Variants in CDH8 observed in about 807,000 individuals in gnomAD.
CDH8 encodes cadherin-8.
Under a neutral mutation model 68.1 loss-of-function variants are expected in CDH8, and 17 were observed. The ratio of observed to expected loss-of-function variants is 0.25; its 90% CI spans 0.17 to 0.37. The LOEUF (loss-of-function observed/expected upper bound fraction) is 0.37, where lower values mean the gene tolerates loss of function less well. Ranked by LOEUF, CDH8 falls within the 10% of genes least tolerant of loss-of-function variation. The pLI, the probability that CDH8 is intolerant of heterozygous loss-of-function variation, is 1.00. For synonymous variants in CDH8, 372 were observed against 365.1 expected (o/e 1.02, Z -0.21); for missense variants, 763 against 999.3 (o/e 0.76, Z 3.19).
intron 7 of CDH8, among the ~76,000 whole-genome samples, chr16:61,814,256 A>G (rs1318191435): frequency 6.6e-6 from 1 of 152,200 alleles, no homozygotes; most frequent in Non-Finnish European, 1.5e-5. Flanking sequence ...AATTCAAAAT[A>G]TGTCATATTT....
At chr16:61,894,226 A>C (rs910952457) in intron 3 of CDH8, among the ~76,000 whole-genome samples, 7 of 152,216 alleles carry the variant, frequency 4.6e-5, no homozygotes, top group African/African-American at 1.7e-4. Context: ...CATATTCTGT[A>C]TCTAATCCTA....
At chr16:62,032,200 G>A (rs1902343698) in intron 1 of CDH8, among the ~76,000 whole-genome samples, 1 of 152,168 alleles carries the variant, frequency 6.6e-6, no homozygotes, top group South Asian at 2.1e-4. Context: ...ACAAATCAGA[G>A]TAGCCAGAAA....
intron 2 of CDH8, among the ~76,000 whole-genome samples, chr16:62,001,872 A>C (rs1195986678): frequency 6.6e-6 from 1 of 152,094 alleles, no homozygotes; most frequent in Non-Finnish European, 1.5e-5. Context: ...GAGTAATGTG[A>C]GATCTGGATA....
At chr16:62,024,274 T>C (rs532777920) in intron 1 of CDH8, among the ~76,000 whole-genome samples, 2 of 151,972 alleles carry the variant, frequency 1.3e-5, no homozygotes, top group African/African-American at 4.8e-5. Flanking sequence ...TTAACAACAA[T>C]AGCAATGAAA....
chr16:61,769,169 A>G (rs566246080), intron 8 of CDH8, among the ~76,000 whole-genome samples: 2 of 151,950 alleles, frequency 1.3e-5, no homozygotes, highest in East Asian at 1.9e-4. Flanking sequence ...GTGTTGTCAT[A>G]TTATTATAAA....
At chr16:61,926,078 A>G (rs1276259001) in intron 2 of CDH8, among the ~76,000 whole-genome samples, 1 of 152,078 alleles carries the variant, frequency 6.6e-6, no homozygotes. Flanking sequence ...TTCAGAGTAG[A>G]TAAGTAACCT....
chr16:61,801,608 T>C (rs1458311981), intron 7 of CDH8, among the ~76,000 whole-genome samples: 13 of 152,134 alleles, frequency 8.5e-5, no homozygotes, highest in East Asian at 1.9e-4. Flanking sequence ...AGTGGGTGCG[T>C]GCACCATGCG....
intron 3 of CDH8, among the ~76,000 whole-genome samples, chr16:61,887,751 C>A (rs911005335): frequency 1.2e-4 from 18 of 152,076 alleles, no homozygotes; most frequent in African/African-American, 4.3e-4. Context: ...GATCCCATCA[C>A]AAACCCACTG....
chr16:61,888,938 A>G (rs1358085566), intron 3 of CDH8, among the ~76,000 whole-genome samples: 2 of 152,208 alleles, frequency 1.3e-5, no homozygotes, highest in Non-Finnish European at 2.9e-5. Flanking sequence ...TGACATGGTT[A>G]TAAAGAGAAG....
intron 7 of CDH8, among the ~76,000 whole-genome samples, chr16:61,793,597 GGCT>G (rs1961432848): frequency 6.6e-6 from 1 of 151,904 alleles, no homozygotes; most frequent in Non-Finnish European, 1.5e-5. Flanking sequence ...TCTTTTTTAT[GGCT>G]GCATAGTATT....
intron 10 of CDH8, among the ~76,000 whole-genome samples, chr16:61,661,891 C>A (rs969285368): frequency 2.0e-5 from 3 of 151,504 alleles, no homozygotes; most frequent in African/African-American, 7.3e-5. Flanking sequence ...TCTTAGTACA[C>A]TAATGAGAAC....
At chr16:61,976,506 C>T (rs1965436997) in intron 2 of CDH8, among the ~76,000 whole-genome samples, 1 of 152,080 alleles carries the variant, frequency 6.6e-6, no homozygotes, top group African/African-American at 2.4e-5. Context: ...CTGGAGGGAC[C>T]AGAGGCAGAG....
In CDH8 at chr16:61,808,428, T is replaced by C. The variant is rs4784163; in HGVS notation, c.1277+9051A>G. Among the ~76,000 whole-genome samples, 1,217 of 152,040 alleles carry C rather than the reference T, an allele frequency of 8.0e-3. 20 individuals carry two copies. The highest frequency in any genetic ancestry group is 0.028 in the African/African-American group (1,146 of 41,444). On this transcript the variant is annotated intron_variant, in intron 7 of 11. Coordinates refer to ENST00000577390, the MANE Select transcript of CDH8 (RefSeq NM_001796.5). ...TAAGCAGGGAAACATCACAGTATTC[T>C]TCAGGGTACCCACTGCATCCTGCAT... is the stretch of plus-strand genomic sequence containing the variant.
chr16:61,753,112 C>G (rs1340312905), intron 8 of CDH8, among the ~76,000 whole-genome samples: 1 of 145,752 alleles, frequency 6.9e-6, no homozygotes, highest in East Asian at 2.0e-4. Context: ...TTTTTATAAA[C>G]TACTGTAGAT....
intron 10 of CDH8, among the ~76,000 whole-genome samples, chr16:61,671,963 T>C (rs1596851905): frequency 6.6e-6 from 1 of 152,290 alleles, no homozygotes; most frequent in East Asian, 1.9e-4. Flanking sequence ...ACTGAAAATG[T>C]AATCTGATAC....
intron 2 of CDH8, among the ~76,000 whole-genome samples, chr16:61,912,665 G>T (rs1360926895): frequency 6.6e-6 from 1 of 152,008 alleles, no homozygotes; most frequent in Non-Finnish European, 1.5e-5. Context: ...CAAAAGACCT[G>T]GGTTGAATTA....
intron 2 of CDH8, among the ~76,000 whole-genome samples, chr16:61,976,502 G>T (rs1337720095): frequency 6.6e-6 from 1 of 152,024 alleles, no homozygotes. Context: ...AGTACTGGAG[G>T]GACCAGAGGC....
chr16:61,703,512 T>C (rs967456011), intron 10 of CDH8, among the ~76,000 whole-genome samples: 1 of 152,328 alleles, frequency 6.6e-6, no homozygotes, highest in East Asian at 1.9e-4. Flanking sequence ...AGTTACTTTT[T>C]ATTTCTTTAT....
chr16:61,914,344 G>A (rs571927488), intron 2 of CDH8, among the ~76,000 whole-genome samples: 12 of 152,108 alleles, frequency 7.9e-5, no homozygotes, highest in Admixed American at 7.9e-4. Flanking sequence ...GCAAAATGAT[G>A]GCTGCAGTTT....
Sources: allele counts gnomAD v4.1 joint callset (sites outside exome capture counted in the v4.1 genomes callset), GRCh38; gene constraint gnomAD v4.1.1; transcripts MANE v1.5; gene names NCBI Gene and HGNC (gene_info 2026-07-23, HGNC 2026-07-21).